The following CAPRIN1 variants were observed in gnomAD, a reference collection of about 807,000 sequenced individuals.
CAPRIN1 encodes caprin-1.
Under a neutral mutation model 100.9 loss-of-function variants are expected in CAPRIN1, and 29 were observed. That is an observed-to-expected ratio of 0.29 (90% CI 0.21 to 0.39). CAPRIN1 has a LOEUF of 0.39. CAPRIN1 is among the 10% of genes least tolerant of loss of function. The pLI, the probability that CAPRIN1 is intolerant of heterozygous loss-of-function variation, is 1.00. For synonymous variants in CAPRIN1, 338 were observed against 307.5 expected (o/e 1.10, Z -1.04); for missense variants, 795 against 876.7 (o/e 0.91, Z 1.18).
chr11:34,066,931 A>ATTTT (rs35440557), intron 2 of CAPRIN1, among the ~76,000 whole-genome samples: 1 of 130,910 alleles, frequency 7.6e-6, no homozygotes, highest in East Asian at 2.2e-4. Context: ...CACACCCAGC[A>ATTTT]TTTTTTTTTT....
rs144311274 is a variant in CAPRIN1, at chr11:34,057,567, G to C, written c.216+4931G>C. On this transcript the variant is annotated intron_variant, in intron 2 of 18. Coordinates refer to ENST00000341394, the MANE Select transcript of CAPRIN1 (RefSeq NM_005898.5). ...TAGTTTACATTTAGGGCTAGATGAA[G>C]ACTAGTACTGTTTCATCTTTTAGAA... 1.9e-4 allele frequency among the ~76,000 whole-genome samples: 29 copies of C among 152,228 alleles called. 1 individual carries two copies. In the East Asian group the frequency reaches 5.6e-3, roughly 29 times the overall value.
intron 15 of CAPRIN1, among the ~76,000 whole-genome samples, chr11:34,092,516 G>A (rs1851283061): frequency 6.6e-6 from 1 of 151,682 alleles, no homozygotes; most frequent in African/African-American, 2.4e-5. Context: ...GTGCCACCAC[G>A]TCCAGCTAAT....
intron 4 of CAPRIN1, among the ~76,000 whole-genome samples, chr11:34,075,379 C>A (rs533690940): frequency 2.0e-5 from 3 of 152,082 alleles, no homozygotes; most frequent in African/African-American, 7.2e-5. Context: ...TCCTCTATTC[C>A]CAACCTCATG....
At chr11:34,069,641 A>C (rs867032076) in intron 2 of CAPRIN1, among the ~76,000 whole-genome samples, 36 of 151,350 alleles carry the variant, frequency 2.4e-4, no homozygotes, top group Middle Eastern at 3.4e-3. Context: ...CAGGTCTGTC[A>C]TATCAGTGTA....
chr11:34,091,108 A>AAAT (rs895182287), intron 14 of CAPRIN1, among the ~76,000 whole-genome samples: 3 of 152,230 alleles, frequency 2.0e-5, no homozygotes, highest in Admixed American at 1.3e-4. Context: ...AATTTCTAGA[A>AAAT]AATAATAATA....
chr11:34,058,708 G>A (rs1329292871), intron 2 of CAPRIN1, among the ~76,000 whole-genome samples: 2 of 152,148 alleles, frequency 1.3e-5, no homozygotes, highest in African/African-American at 4.8e-5. Context: ...AGTGTGTCAG[G>A]TATCATTGGG....
intron 15 of CAPRIN1, 23 bp from the exon 16 acceptor site, chr11:34,096,456 T>C: frequency 6.3e-7 from 1 of 1,587,068 alleles, no homozygotes; most frequent in Non-Finnish European, 8.6e-7. Flanking sequence ...TATGTATATA[T>C]CTTTTTCTTT....
chr11:34,084,102 G>GT lies in CAPRIN1; in HGVS notation c.966+1073dup, dbSNP rs796818799. Among the ~76,000 whole-genome samples the GT allele has an allele frequency of 9.6e-3, 1,406 of 146,358 alleles. 23 individuals carry two copies. Among genetic ancestry groups the GT allele is most frequent in the African/African-American group, 0.024 (952 of 40,212 alleles). On this transcript the variant is annotated intron_variant, in intron 9 of 18. Coordinates refer to ENST00000341394, the MANE Select transcript of CAPRIN1 (RefSeq NM_005898.5). The stretch of plus-strand genomic sequence containing the variant: ...ACCCATTTTCCAAAGAGATTGCAAA[G>GT]TTTTTTTTTTTTGAGAGTCTCACTC...
At chr11:34,057,882 C>T (rs1012581618) in intron 2 of CAPRIN1, among the ~76,000 whole-genome samples, 1 of 151,680 alleles carries the variant, frequency 6.6e-6, no homozygotes, top group Non-Finnish European at 1.5e-5. Flanking sequence ...CCACGCCCGG[C>T]TAATTTTTTA....
In CAPRIN1 at chr11:34,090,517, C is replaced by T. The variant is rs376211004; in HGVS notation, c.1405-12C>T. Reference sequence around the variant, plus strand: ...TTTACCGCTAAAGTGCATCTATTCACTTTGTGTTTAGGCAACAATCTCTTT... The same window carrying T: ...TTTACCGCTAAAGTGCATCTATTCATTTTGTGTTTAGGCAACAATCTCTTT... On this transcript the variant is annotated splice_polypyrimidine_tract_variant and intron_variant, in intron 13 of 18. Coordinates refer to ENST00000341394, the MANE Select transcript of CAPRIN1 (RefSeq NM_005898.5). 6.2e-7 allele frequency: 1 copy of T among 1,608,454 alleles called. No homozygotes were observed. The highest frequency in any genetic ancestry group is 8.5e-7 in the Non-Finnish European group (1 of 1,175,430).
chr11:34,098,706 C>G (rs530337454), intron 18 of CAPRIN1: 1 of 984,896 alleles, frequency 1.0e-6, no homozygotes, highest in African/African-American at 1.7e-5. Context: ...GGGTTATGTT[C>G]TTTCCCACCT....
chr11:34,091,951 A>G lies in CAPRIN1; in HGVS notation c.1600A>G (p.Thr534Ala). 1 of 1,613,844 alleles carries G rather than the reference A, an allele frequency of 6.2e-7. No homozygotes were observed. The highest frequency in any genetic ancestry group is 1.1e-5 in the South Asian group (1 of 91,012). Reference sequence around the variant, plus strand: ...AGTTCCTCCTGTTAATGAACCAGAAACTTTAAAACAGCAAAATCAGTACCA... The same window carrying G: ...AGTTCCTCCTGTTAATGAACCAGAAGCTTTAAAACAGCAAAATCAGTACCA... ...APVPPVNEPE[T>A]LKQQNQYQAS... The change falls in exon 15 of 19, where the codon ACT (threonine) becomes GCT (alanine). Residue 534 changes from threonine (T) to alanine (A), a missense_variant. Physicochemically the swap from Thr to Ala is moderately conservative, Grantham distance 58. Coordinates refer to ENST00000341394, the MANE Select transcript of CAPRIN1 (RefSeq NM_005898.5).
chr11:34,084,554 C>T (rs1006422553), intron 9 of CAPRIN1, among the ~76,000 whole-genome samples: 1 of 152,196 alleles, frequency 6.6e-6, no homozygotes, highest in Non-Finnish European at 1.5e-5. Flanking sequence ...TCTGCTCATA[C>T]TCAAGTTGTG....
At chr11:34,090,391 A>G (rs1013562070) in intron 13 of CAPRIN1, 102 bp downstream of exon 13, 15 of 1,258,924 alleles carry the variant, frequency 1.2e-5, no homozygotes, top group Non-Finnish European at 1.7e-5. Flanking sequence ...TTTTGGACCT[A>G]CTTTGCTTTC....
intron 7 of CAPRIN1, among the ~76,000 whole-genome samples, chr11:34,080,963 T>A (rs1440999194): frequency 6.6e-6 from 1 of 152,204 alleles, no homozygotes; most frequent in African/African-American, 2.4e-5. Context: ...AGATTTTTAA[T>A]CTGTATGCTG....
At chr11:34,079,446 C>T (rs761579804) in intron 6 of CAPRIN1, among the ~76,000 whole-genome samples, 182 bp from the exon 7 acceptor site, 15 of 152,124 alleles carry the variant, frequency 9.9e-5, no homozygotes, top group Non-Finnish European at 1.8e-4. Flanking sequence ...TAACTACATT[C>T]TTCTTGTTCC....
At chr11:34,099,019 G>A in intron 18 of CAPRIN1, 1 of 1,282,474 alleles carries the variant, frequency 7.8e-7, no homozygotes, top group Non-Finnish European at 1.0e-6. Context: ...ATGGTGCCTG[G>A]CACATAGTAG....
intron 11 of CAPRIN1, 103 bp downstream of exon 11, chr11:34,086,516 T>A (rs569860612): frequency 2.4e-4 from 152 of 636,382 alleles, no homozygotes; most frequent in Non-Finnish European, 3.9e-4. Flanking sequence ...AATGACTGTT[T>A]AATTTTGACT....
intron 2 of CAPRIN1, among the ~76,000 whole-genome samples, chr11:34,060,843 T>C: frequency 6.6e-6 from 1 of 152,316 alleles, no homozygotes; most frequent in Non-Finnish European, 1.5e-5. Context: ...TATAAATAAG[T>C]TGTACAGAAT....
Sources: allele counts gnomAD v4.1 joint callset (sites outside exome capture counted in the v4.1 genomes callset), GRCh38; gene constraint gnomAD v4.1.1; transcripts MANE v1.5; gene names NCBI Gene and HGNC (gene_info 2026-07-23, HGNC 2026-07-21).